The following KCNT2 variants were observed in gnomAD, a reference collection of about 807,000 sequenced individuals.
The protein encoded by KCNT2 is potassium sodium-activated channel subfamily T member 2.
KCNT2 carries 67 observed loss-of-function variants against 153.8 expected under a neutral mutation model. The ratio of observed to expected loss-of-function variants is 0.44; its 90% confidence interval spans 0.36 to 0.53. The LOEUF (loss-of-function observed/expected upper bound fraction) is 0.53, where lower values mean the gene tolerates loss of function less well. KCNT2 is among the 20% of genes least tolerant of loss of function. The probability of loss-of-function intolerance (pLI) is 0.00; values close to 1 mark genes in which losing one functional copy is unlikely to be tolerated. For missense variants in KCNT2, 975 were observed against 1,354.8 expected, an observed-to-expected ratio of 0.72 and a Z score of 4.40; for synonymous variants, 500 against 458.8, an observed-to-expected ratio of 1.09 and a Z score of -1.15.
intron 8 of KCNT2, among the ~76,000 whole-genome samples, chr1:196,453,448 T>C (rs1676393296): frequency 6.6e-6 from 1 of 151,982 alleles, no homozygotes. Context: ...AGTTCAGAAG[T>C]GGAAAATTCT....
At chr1:196,536,944 T>C (rs1325903612) in intron 1 of KCNT2, among the ~76,000 whole-genome samples, 2 of 152,212 alleles carry the variant, frequency 1.3e-5, no homozygotes, top group Non-Finnish European at 2.9e-5. Context: ...ACTCCTTCTA[T>C]ATCAATGAAT....
intron 14 of KCNT2, among the ~76,000 whole-genome samples, chr1:196,342,635 A>C (rs1161294659): frequency 1.3e-5 from 2 of 151,478 alleles, no homozygotes; most frequent in Non-Finnish European, 2.9e-5. Flanking sequence ...AATATGGCCA[A>C]CGTTATCTTA....
chr1:196,445,372 C>T (rs929384380), intron 8 of KCNT2, among the ~76,000 whole-genome samples: 3 of 151,252 alleles, frequency 2.0e-5, no homozygotes, highest in African/African-American at 7.3e-5. Flanking sequence ...ACCAAATAGT[C>T]TCTAGTCAAC....
intron 22 of KCNT2, among the ~76,000 whole-genome samples, chr1:196,300,744 T>C (rs1260438801): frequency 6.6e-6 from 1 of 152,212 alleles, no homozygotes; most frequent in East Asian, 1.9e-4. Context: ...ATAAGATTTA[T>C]GTTCAATACA....
chr1:196,464,748 A>G (rs1677460681), intron 8 of KCNT2, among the ~76,000 whole-genome samples: 1 of 151,970 alleles, frequency 6.6e-6, no homozygotes, highest in African/African-American at 2.4e-5. Context: ...GTGACCTTCC[A>G]GAAAGGGAAA....
chr1:196,581,055 CT>C (rs1339474505), intron 1 of KCNT2, among the ~76,000 whole-genome samples: 1 of 151,970 alleles, frequency 6.6e-6, no homozygotes, highest in Non-Finnish European at 1.5e-5. Context: ...ACTATAGCTG[CT>C]ACAGCTATTT....
Position 196,340,523 on chromosome 1 carries a change from A to T in KCNT2, c.1601T>A (p.Ile534Asn), listed in dbSNP as rs761320068. 4 of 1,611,334 alleles carry T rather than the reference A, an allele frequency of 2.5e-6. No homozygotes were observed. The highest frequency in any genetic ancestry group is 3.4e-6 in the Non-Finnish European group (4 of 1,178,516). ...GTATCGAGGACCTGGATTCAGCAAAATGTTTTTATTATCCTCCCTCCTAAC... is the reference window on the plus strand; with the variant it reads ...GTATCGAGGACCTGGATTCAGCAAATTGTTTTTATTATCCTCCCTCCTAAC... Reference protein sequence around the residue: ...IGVRREDNKNILLNPGPRYIM... With the variant: ...IGVRREDNKNNLLNPGPRYIM... Residue 534 changes from isoleucine to asparagine, a missense_variant, in exon 16 of 28, where the codon ATT becomes AAT. By Grantham distance (149) the Ile-to-Asn change is moderately radical. Transcript: ENST00000294725.
intron 8 of KCNT2, among the ~76,000 whole-genome samples, chr1:196,449,528 TATC>T (rs1228660395): frequency 2.6e-5 from 4 of 151,698 alleles, no homozygotes; most frequent in Non-Finnish European, 4.4e-5. Flanking sequence ...GGGTAGGAGA[TATC>T]ATCAGTTTAA....
chr1:196,411,159 T>C (rs1474870522), intron 12 of KCNT2, among the ~76,000 whole-genome samples: 1 of 149,146 alleles, frequency 6.7e-6, no homozygotes, highest in African/African-American at 2.5e-5. Flanking sequence ...CCTTCTTTTT[T>C]TCCTTCTGTT....
At chr1:196,363,060 G>A (rs1355198961) in intron 14 of KCNT2, among the ~76,000 whole-genome samples, 1 of 152,022 alleles carries the variant, frequency 6.6e-6, no homozygotes, top group Non-Finnish European at 1.5e-5. Context: ...AATTATTACT[G>A]TAGTGTTTGC....
intron 11 of KCNT2, among the ~76,000 whole-genome samples, chr1:196,424,373 A>G (rs1178174227): frequency 1.3e-5 from 2 of 151,822 alleles, no homozygotes; most frequent in Non-Finnish European, 2.9e-5. Flanking sequence ...TAACTATCAT[A>G]CAATAAATTA....
intron 21 of KCNT2, among the ~76,000 whole-genome samples, chr1:196,311,329 C>T (rs1216372628): frequency 5.3e-5 from 8 of 151,854 alleles, no homozygotes; most frequent in East Asian, 3.9e-4. Context: ...GCTCAATAAA[C>T]CTAGGGGCCA....
At chr1:196,441,018 G>A (rs532840117) in intron 8 of KCNT2, among the ~76,000 whole-genome samples, 2 of 151,774 alleles carry the variant, frequency 1.3e-5, no homozygotes, top group Middle Eastern at 3.4e-3. Context: ...AAAGAAGCTG[G>A]GAGAAGACAG....
Position 196,606,093 on chromosome 1 carries a change from G to A in KCNT2, c.95+2122C>T, listed in dbSNP as rs531259292. Among the ~76,000 whole-genome samples, 10 of 152,224 alleles carry A rather than the reference G, an allele frequency of 6.6e-5. No individual in the cohort carries two copies. In the East Asian group the frequency reaches 7.7e-4, roughly 12 times the overall value. On this transcript the variant is annotated intron_variant, in intron 1 of 27. Transcript: ENST00000294725. ...AGGATTAACTAAGAAAGAACATACCGCACAGTTAAAAGAACTTGGGAGTAC... is the reference window on the plus strand; with the variant it reads ...AGGATTAACTAAGAAAGAACATACCACACAGTTAAAAGAACTTGGGAGTAC...
chr1:196,427,796 A>G (rs1266319771), intron 10 of KCNT2, among the ~76,000 whole-genome samples: 1 of 152,080 alleles, frequency 6.6e-6, no homozygotes, highest in East Asian at 1.9e-4. Context: ...TTCCATAAAA[A>G]TATCATTTAT....
At chr1:196,455,925 T>A (rs1676631134) in intron 8 of KCNT2, among the ~76,000 whole-genome samples, 1 of 152,042 alleles carries the variant, frequency 6.6e-6, no homozygotes, top group Non-Finnish European at 1.5e-5. Flanking sequence ...AGTTCATCCT[T>A]AACTCTTTGG....
At chr1:196,288,371 T>C (rs969630666) in intron 22 of KCNT2, among the ~76,000 whole-genome samples, 3 of 152,032 alleles carry the variant, frequency 2.0e-5, no homozygotes, top group African/African-American at 7.2e-5. Flanking sequence ...TAACAGGACA[T>C]ATGGTTACCC....
At chr1:196,585,088 T>C (rs1662512619) in intron 1 of KCNT2, among the ~76,000 whole-genome samples, 1 of 152,068 alleles carries the variant, frequency 6.6e-6, no homozygotes. Flanking sequence ...TACAATACGA[T>C]GTAGAAGAGA....
intron 12 of KCNT2, among the ~76,000 whole-genome samples, chr1:196,404,650 T>G (rs77985006): frequency 1.3e-5 from 2 of 151,412 alleles, no homozygotes; most frequent in African/African-American, 4.8e-5. Context: ...ACTGGTAAAT[T>G]AGGATAGATG....
Sources: allele counts gnomAD v4.1 joint callset (sites outside exome capture counted in the v4.1 genomes callset), GRCh38; gene constraint gnomAD v4.1.1; transcripts MANE v1.5; gene names NCBI Gene and HGNC (gene_info 2026-07-23, HGNC 2026-07-21).